The following DPP6 variants were observed in gnomAD, a reference collection of about 807,000 sequenced individuals.
DPP6 encodes the protein A-type potassium channel modulatory protein DPP6.
Under a neutral mutation model 122.6 loss-of-function variants are expected in DPP6, and 69 were observed. The ratio of observed to expected loss-of-function variants is 0.56; its 90% CI spans 0.46 to 0.69. The LOEUF is 0.69. Ranked by LOEUF, DPP6 falls within the 30% of genes least tolerant of loss-of-function variation. DPP6 has a pLI of 0.00. For missense variants in DPP6, 928 were observed against 1,116.9 expected (o/e 0.83, Z 2.41); for synonymous variants, 418 against 433.1 (o/e 0.97, Z 0.43).
chr7:154,665,960 G>A (rs1254700787), intron 6 of DPP6, among the ~76,000 whole-genome samples: 1 of 151,354 alleles, frequency 6.6e-6, no homozygotes, highest in African/African-American at 2.4e-5. Flanking sequence ...CCAAACCCCT[G>A]GGAGAAACAA....
chr7:153,834,373 C>T, the DPP6 span, among the ~76,000 whole-genome samples: 299 of 151,918 alleles, frequency 2.0e-3, no homozygotes, highest in African/African-American at 6.9e-3. Flanking sequence ...TATGCTAATA[C>T]TGTCAGCCAT....
At chr7:153,913,621 A>C (rs893424696) in intron 1 of DPP6, among the ~76,000 whole-genome samples, 2 of 151,552 alleles carry the variant, frequency 1.3e-5, no homozygotes, top group Non-Finnish European at 3.0e-5. Flanking sequence ...GGAAATCATC[A>C]CATCTCCCTT....
chr7:154,834,309 T>TATA (rs1800859567), intron 16 of DPP6, among the ~76,000 whole-genome samples: 1 of 22,888 alleles, frequency 4.4e-5, no homozygotes, highest in African/African-American at 1.1e-4. Context: ...CTCTACTAAA[T>TATA]ACAAAAAAAA....
chr7:154,540,166 C>G (rs185955212), intron 3 of DPP6, among the ~76,000 whole-genome samples: 9 of 152,308 alleles, frequency 5.9e-5, no homozygotes, highest in Admixed American at 1.3e-4. Flanking sequence ...ATTCTGCATA[C>G]AGATTTACTC....
chr7:154,271,624 C>G (rs1438517861), intron 1 of DPP6, among the ~76,000 whole-genome samples: 1 of 152,076 alleles, frequency 6.6e-6, no homozygotes, highest in Non-Finnish European at 1.5e-5. Flanking sequence ...TCAGTGGGAC[C>G]AGCAAGCACC....
intron 1 of DPP6, among the ~76,000 whole-genome samples, chr7:154,346,652 C>T (rs1810422994): frequency 6.6e-6 from 1 of 152,138 alleles, no homozygotes; most frequent in African/African-American, 2.4e-5. Context: ...TCTTGAGGGA[C>T]TCTGAGTGGC....
intron 7 of DPP6, among the ~76,000 whole-genome samples, chr7:154,670,335 GT>G (rs778192316): frequency 3.5e-4 from 53 of 152,292 alleles, no homozygotes; most frequent in Admixed American, 7.8e-4. Flanking sequence ...GGGAAGGACA[GT>G]GCAGAGAAAA....
intron 6 of DPP6, among the ~76,000 whole-genome samples, chr7:154,653,429 A>G (rs1240500235): frequency 6.6e-6 from 1 of 152,218 alleles, no homozygotes; most frequent in Non-Finnish European, 1.5e-5. Context: ...TGATGGATAG[A>G]TGATTGATAG....
Position 154,558,759 on chromosome 7 carries a change from G to C in DPP6, c.553-8083G>C, listed in dbSNP as rs1254192165. Reference sequence around the variant, plus strand: ...TTTCTGTGATGTTTGCACAATGGCAGAATCGCCCAATGGTACATTTCTCAG... The same window carrying C: ...TTTCTGTGATGTTTGCACAATGGCACAATCGCCCAATGGTACATTTCTCAG... On this transcript the variant is annotated intron_variant, in intron 4 of 25. Coordinates refer to ENST00000377770, the MANE Select transcript of DPP6 (RefSeq NM_130797.4). 3.3e-5 allele frequency among the ~76,000 whole-genome samples: 5 copies of C among 152,308 alleles called. No individual in the cohort carries two copies. The East Asian group carries it at 9.6e-4, about 29-fold the overall frequency.
At chr7:154,592,790 C>T (rs981937497) in intron 5 of DPP6, among the ~76,000 whole-genome samples, 14 of 152,088 alleles carry the variant, frequency 9.2e-5, no homozygotes, top group Admixed American at 2.0e-4. Context: ...ACATGTCATC[C>T]GGGAAAACTA....
intron 1 of DPP6, among the ~76,000 whole-genome samples, chr7:154,147,542 C>T (rs1197924766): frequency 1.3e-5 from 2 of 151,702 alleles, no homozygotes; most frequent in African/African-American, 4.8e-5. Flanking sequence ...TGCAATGGTG[C>T]AATCTCAGCT....
chr7:154,772,324 C>T (rs1246206302), intron 9 of DPP6, among the ~76,000 whole-genome samples: 3 of 152,076 alleles, frequency 2.0e-5, no homozygotes, highest in South Asian at 2.1e-4. Context: ...GACAACACCC[C>T]GAAGTCCCCC....
intron 22 of DPP6, among the ~76,000 whole-genome samples, chr7:154,886,590 C>T (rs988942587): frequency 1.3e-5 from 2 of 152,204 alleles, no homozygotes; most frequent in African/African-American, 2.4e-5. Context: ...GTCAGGGCTC[C>T]GTGGCAGCCA....
intron 1 of DPP6, among the ~76,000 whole-genome samples, chr7:154,420,436 A>G (rs1817374683): frequency 6.6e-6 from 1 of 152,204 alleles, no homozygotes; most frequent in African/African-American, 2.4e-5. Context: ...GATTCCACTC[A>G]TAGGAGGTAT....
chr7:153,966,554 CT>C (rs753840054), intron 1 of DPP6, among the ~76,000 whole-genome samples: 55 of 41,356 alleles, frequency 1.3e-3, no homozygotes, highest in East Asian at 3.8e-3. Context: ...CCTGTGTTGG[CT>C]TTTTTTTTTT....
rs11311031 is a variant in DPP6 at position 154,297,077 on chromosome 7, GTT to G, written c.244-149134_244-149133del. On this transcript the variant is annotated intron_variant, in intron 1 of 25. Coordinates refer to ENST00000377770, the MANE Select transcript of DPP6 (RefSeq NM_130797.4). ...AAATGTATTCTGTTTTTTTTTTTTT[GTT>G]TTGTTTTTCTATTTGGAGGGTGAGG... 6.0e-3 allele frequency among the ~76,000 whole-genome samples: 863 copies of G among 143,292 alleles called. 20 individuals carry two copies. The highest frequency in any genetic ancestry group is 0.039 in the East Asian group (194 of 4,914). 94.0% of individuals were successfully genotyped at this position (143,292 alleles called of 152,430 possible).
At chr7:154,730,840 A>C (rs1045255281) in intron 8 of DPP6, among the ~76,000 whole-genome samples, 1 of 152,252 alleles carries the variant, frequency 6.6e-6, no homozygotes, top group Non-Finnish European at 1.5e-5. Flanking sequence ...TATCTTTTTT[A>C]GTATCTTCTT....
At chr7:154,040,308 GT>G (rs112436617) in intron 1 of DPP6, among the ~76,000 whole-genome samples, 2 of 141,828 alleles carry the variant, frequency 1.4e-5, no homozygotes, top group Admixed American at 6.7e-5. Flanking sequence ...TGTAAGAAGT[GT>G]TTTTTTGTCA....
At chr7:154,075,296 A>G (rs1803476398) in intron 1 of DPP6, among the ~76,000 whole-genome samples, 1 of 152,140 alleles carries the variant, frequency 6.6e-6, no homozygotes, top group Admixed American at 6.6e-5. Context: ...CAGCCACCCC[A>G]CTACTGTGTA....
Sources: allele counts gnomAD v4.1 joint callset (sites outside exome capture counted in the v4.1 genomes callset), GRCh38; gene constraint gnomAD v4.1.1; transcripts MANE v1.5; gene names NCBI Gene and HGNC (gene_info 2026-07-23, HGNC 2026-07-21).